Variants in NCK1 observed in about 807,000 individuals in gnomAD.
NCK1 encodes SH2/SH3 adapter protein NCK1.
NCK1 carries 19 observed loss-of-function variants against 36.6 expected under a neutral mutation model. The observed-to-expected ratio is 0.52, with a 90% CI of 0.36 to 0.76. NCK1 has a LOEUF of 0.76. Ranked by LOEUF, NCK1 falls within the 30% of genes least tolerant of loss-of-function variation. The probability of loss-of-function intolerance (pLI) is 0.00; values close to 1 mark genes in which losing one functional copy is unlikely to be tolerated. For synonymous variants in NCK1, 165 were observed against 156.0 expected, an observed-to-expected ratio of 1.06 and a Z score of -0.43; for missense variants, 358 against 445.6, an observed-to-expected ratio of 0.80 and a Z score of 1.77.
intron 1 of NCK1, among the ~76,000 whole-genome samples, chr3:136,896,574 G>A (rs1939398049): frequency 6.6e-6 from 1 of 152,118 alleles, no homozygotes; most frequent in South Asian, 2.1e-4. Flanking sequence ...GTCTCACTCT[G>A]TCACCCAGGC....
At chr3:136,879,844 G>A (rs962259785) in intron 1 of NCK1, among the ~76,000 whole-genome samples, 10 of 151,504 alleles carry the variant, frequency 6.6e-5, no homozygotes, top group East Asian at 1.9e-4. Context: ...GCCTGTTGGC[G>A]GGTGAGGGGC....
At chr3:136,941,335 G>A (rs1159921397) in intron 2 of NCK1, among the ~76,000 whole-genome samples, 2 of 151,816 alleles carry the variant, frequency 1.3e-5, no homozygotes, top group Non-Finnish European at 1.5e-5. Flanking sequence ...TCAGCATGTT[G>A]GCCAGGCTGA....
chr3:136,933,899 G>A (rs1316305342), intron 2 of NCK1, among the ~76,000 whole-genome samples: 2 of 151,984 alleles, frequency 1.3e-5, no homozygotes, highest in South Asian at 4.2e-4. Context: ...GTAGAGATGG[G>A]GTTTCCCCAT....
intron 1 of NCK1, among the ~76,000 whole-genome samples, chr3:136,918,658 A>G (rs545026173): frequency 2.0e-5 from 3 of 152,226 alleles, no homozygotes; most frequent in Non-Finnish European, 4.4e-5. Flanking sequence ...AAACGTTCTT[A>G]AAACATGATG....
At chr3:136,909,000 A>G (rs1481807282) in intron 1 of NCK1, among the ~76,000 whole-genome samples, 1 of 152,124 alleles carries the variant, frequency 6.6e-6, no homozygotes, top group Non-Finnish European at 1.5e-5. Context: ...AATGGGATCC[A>G]TGACTCTTCC....
chr3:136,947,409 A>G (rs927070954), intron 3 of NCK1, among the ~76,000 whole-genome samples: 1 of 151,920 alleles, frequency 6.6e-6, no homozygotes, highest in African/African-American at 2.4e-5. Context: ...GAGTGTAGAT[A>G]TTAGACAAAA....
At chr3:136,914,719 GCCAGAA>G (rs1939915649) in intron 1 of NCK1, among the ~76,000 whole-genome samples, 2 of 152,134 alleles carry the variant, frequency 1.3e-5, no homozygotes, top group Non-Finnish European at 2.9e-5. Context: ...CTGGCTTCCA[GCCAGAA>G]GATATTGGGA....
intron 2 of NCK1, chr3:136,928,491 GC>G: frequency 2.5e-6 from 1 of 402,588 alleles, no homozygotes; most frequent in South Asian, 4.3e-5. Flanking sequence ...TCTAGCAGGG[GC>G]TTTTTGAACC....
At chr3:136,862,644 CCGCCCGTGCGAGCCTGGGAGGT>C (rs6148085) in intron 1 of NCK1, among the ~76,000 whole-genome samples, 104,120 of 152,084 alleles carry the variant, frequency 0.68, 35,925 homozygotes, top group East Asian at 0.87. Flanking sequence ...GCCCGGGCGG[CCGCCCGTGCGAGCCTGGGAGGT>C]CGAGTGTGCG....
intron 1 of NCK1, among the ~76,000 whole-genome samples, chr3:136,884,514 C>T (rs568622966): frequency 6.6e-6 from 1 of 152,170 alleles, no homozygotes; most frequent in East Asian, 1.9e-4. Context: ...CAGGCTTGCT[C>T]ACCGCAACCT....
At chr3:136,868,917 A>G (rs1454487391) in intron 1 of NCK1, among the ~76,000 whole-genome samples, 11 of 152,032 alleles carry the variant, frequency 7.2e-5, no homozygotes. Flanking sequence ...AGGAACCATC[A>G]CTTCTTGTTG....
intron 1 of NCK1, among the ~76,000 whole-genome samples, chr3:136,908,572 A>G (rs936208779): frequency 6.6e-5 from 10 of 152,168 alleles, no homozygotes; most frequent in Non-Finnish European, 1.2e-4. Flanking sequence ...AAATCTGTGG[A>G]TACTGAGTAA....
At chr3:136,905,877 A>T (rs994179718) in intron 1 of NCK1, among the ~76,000 whole-genome samples, 2 of 152,060 alleles carry the variant, frequency 1.3e-5, no homozygotes, top group African/African-American at 4.8e-5. Context: ...TGCCTGCCTC[A>T]GTCTCCCAAA....
chr3:136,902,786 A>G (rs1157321782), intron 1 of NCK1, among the ~76,000 whole-genome samples: 5 of 152,208 alleles, frequency 3.3e-5, no homozygotes, highest in Non-Finnish European at 5.9e-5. Context: ...CCCTTTGCTG[A>G]TGATATGATC....
intron 1 of NCK1, among the ~76,000 whole-genome samples, chr3:136,890,126 G>A (rs898868820): frequency 1.3e-5 from 2 of 152,224 alleles, no homozygotes; most frequent in African/African-American, 4.8e-5. Context: ...CGGGCTGCAG[G>A]TCCCGAGCCC....
chr3:136,863,055 A>G (rs1448196997), intron 1 of NCK1, among the ~76,000 whole-genome samples: 3 of 121,134 alleles, frequency 2.5e-5, no homozygotes, highest in Non-Finnish European at 5.3e-5. Flanking sequence ...ATTCGCCGTT[A>G]GAAGCTCAGG....
chr3:136,873,023 C>T (rs949252842), intron 1 of NCK1, among the ~76,000 whole-genome samples: 2 of 152,184 alleles, frequency 1.3e-5, no homozygotes, highest in African/African-American at 2.4e-5. Context: ...TCAGAGCCCC[C>T]ACACAGAGTT....
chr3:136,949,711 C>T lies in NCK1; in HGVS notation c.*1258C>T, dbSNP rs1040518644. ...AAAGCCACATAACTGAGTAGGATGTCGTATGATACTTTCAACAAATTCCCT... is the reference window on the plus strand; with the variant it reads ...AAAGCCACATAACTGAGTAGGATGTTGTATGATACTTTCAACAAATTCCCT... On this transcript the variant is annotated 3_prime_UTR_variant, in exon 4 of 4. Coordinates refer to ENST00000481752, the MANE Select transcript of NCK1 (RefSeq NM_001291999.2). 1 of 151,884 alleles carries T rather than the reference C, an allele frequency of 6.6e-6. No homozygotes were observed. The highest frequency in any genetic ancestry group is 1.5e-5 in the Non-Finnish European group (1 of 67,878). 9.4% of individuals were successfully genotyped at this position (151,884 alleles called of 1,614,324 possible).
At chr3:136,903,378 G>A (rs958440065) in intron 1 of NCK1, among the ~76,000 whole-genome samples, 1 of 152,046 alleles carries the variant, frequency 6.6e-6, no homozygotes, top group African/African-American at 2.4e-5. Context: ...GTATATAGGT[G>A]GGTCATGCTT....
Sources: gnomAD v4.1 joint callset for allele counts (sites outside exome capture counted in the v4.1 genomes callset) on GRCh38, gnomAD v4.1.1 for gene constraint, MANE v1.5 for transcripts, NCBI Gene and HGNC (gene_info 2026-07-23, HGNC 2026-07-21) for gene names.